The following ENTREP2 variants were observed in gnomAD, a reference collection of about 807,000 sequenced individuals.
ENTREP2 encodes the protein protein ENTREP2.
At chr15:29,449,721 T>C in the ENTREP2 span, among the ~76,000 whole-genome samples, 1 of 152,204 alleles carries the variant, frequency 6.6e-6, no homozygotes, top group African/African-American at 2.4e-5. Context: ...AGCTTAAGAC[T>C]CAAGACTTTA....
chr15:29,283,964 G>A, the ENTREP2 span, among the ~76,000 whole-genome samples: 3 of 152,004 alleles, frequency 2.0e-5, no homozygotes, highest in Admixed American at 6.6e-5. Flanking sequence ...AATGAAAGAC[G>A]TATCCCACAG....
chr15:29,224,196 G>A, the ENTREP2 span, among the ~76,000 whole-genome samples: 1 of 152,042 alleles, frequency 6.6e-6, no homozygotes, highest in East Asian at 1.9e-4. Flanking sequence ...GAGTGTTACA[G>A]CTCTCAAATC....
chr15:29,453,160 G>T, the ENTREP2 span, among the ~76,000 whole-genome samples: 54 of 152,284 alleles, frequency 3.5e-4, no homozygotes, highest in African/African-American at 1.3e-3. Context: ...CACAGTCACC[G>T]GCCTTCACTG....
chr15:29,234,660 A>G, the ENTREP2 span: 1 of 1,564,988 alleles, frequency 6.4e-7, no homozygotes, highest in South Asian at 1.1e-5. Context: ...TCTTCACCAC[A>G]AGAGAGAAAA....
At chr15:29,252,730 G>C in the ENTREP2 span, among the ~76,000 whole-genome samples, 2 of 152,152 alleles carry the variant, frequency 1.3e-5, no homozygotes, top group Non-Finnish European at 2.9e-5. Context: ...AACCTATGAT[G>C]ATAAAATATT....
At chr15:29,320,818 G>T in the ENTREP2 span, among the ~76,000 whole-genome samples, 1 of 152,116 alleles carries the variant, frequency 6.6e-6, no homozygotes, top group South Asian at 2.1e-4. Flanking sequence ...CAACACAAAT[G>T]TCCCAAACTA....
At chr15:29,629,972 C>T in the ENTREP2 span, among the ~76,000 whole-genome samples, 5 of 152,030 alleles carry the variant, frequency 3.3e-5, no homozygotes, top group East Asian at 3.9e-4. Flanking sequence ...CAAAAATTGG[C>T]GGGGCATGGT....
At chr15:29,472,702 T>G in the ENTREP2 span, among the ~76,000 whole-genome samples, 1 of 152,168 alleles carries the variant, frequency 6.6e-6, no homozygotes, top group Admixed American at 6.6e-5. Context: ...TGACCTCATG[T>G]GATCCATCTG....
At chr15:29,665,859 T>C in the ENTREP2 span, among the ~76,000 whole-genome samples, 1 of 150,882 alleles carries the variant, frequency 6.6e-6, no homozygotes, top group Non-Finnish European at 1.5e-5. Flanking sequence ...CATCTTTTTT[T>C]TTTTTTTTTT....
the ENTREP2 span, among the ~76,000 whole-genome samples, chr15:29,270,948 G>A: frequency 6.6e-6 from 1 of 152,166 alleles, no homozygotes; most frequent in Non-Finnish European, 1.5e-5. Flanking sequence ...TCAAAGGAAA[G>A]CAATTTAGAA....
the ENTREP2 span, among the ~76,000 whole-genome samples, chr15:29,310,220 G>A: frequency 6.6e-6 from 1 of 152,218 alleles, no homozygotes; most frequent in East Asian, 1.9e-4. Flanking sequence ...TGAGCAGACA[G>A]AAGCTGAGAA....
the ENTREP2 span, among the ~76,000 whole-genome samples, chr15:29,250,934 A>G: frequency 6.6e-6 from 1 of 152,200 alleles, no homozygotes; most frequent in African/African-American, 2.4e-5. Flanking sequence ...ACAGACAATA[A>G]CAAGATGAAG....
the ENTREP2 span, among the ~76,000 whole-genome samples, chr15:29,257,319 C>T: frequency 2.0e-5 from 3 of 152,060 alleles, no homozygotes; most frequent in Admixed American, 1.3e-4. Context: ...GTGGTCCACC[C>T]GCCTCGGCCT....
chr15:29,170,403 G>A, the ENTREP2 span, among the ~76,000 whole-genome samples: 1 of 150,222 alleles, frequency 6.7e-6, no homozygotes, highest in East Asian at 1.9e-4. Context: ...ATTTACAATA[G>A]CAAAAAATGT....
the ENTREP2 span, chr15:29,122,947 C>T: frequency 5.9e-6 from 1 of 170,408 alleles, no homozygotes; most frequent in Non-Finnish European, 1.2e-5. Context: ...TGGGAGACTC[C>T]TGCTTTGGAA....
chr15:29,558,094 A>C, the ENTREP2 span, among the ~76,000 whole-genome samples: 1 of 151,862 alleles, frequency 6.6e-6, no homozygotes, highest in East Asian at 1.9e-4. Flanking sequence ...TTTCTTCAAC[A>C]CCCACCTGTG....
At chr15:29,597,275 A>T in the ENTREP2 span, among the ~76,000 whole-genome samples, 2 of 152,158 alleles carry the variant, frequency 1.3e-5, no homozygotes, top group Non-Finnish European at 2.9e-5. Flanking sequence ...TTTAAGATTC[A>T]TCCATAACTA....
At chr15:29,606,115 T>C in the ENTREP2 span, among the ~76,000 whole-genome samples, 2 of 152,140 alleles carry the variant, frequency 1.3e-5, no homozygotes, top group African/African-American at 4.8e-5. Flanking sequence ...GTGTGCTAGG[T>C]CTTTTAAGTC....
At chr15:29,163,463 G>GAA in the ENTREP2 span, among the ~76,000 whole-genome samples, 3 of 149,976 alleles carry the variant, frequency 2.0e-5, no homozygotes, top group African/African-American at 4.9e-5. Flanking sequence ...ATAGCTTAAA[G>GAA]AAAAAAAAAT....
Sources: gnomAD v4.1 joint callset for allele counts (sites outside exome capture counted in the v4.1 genomes callset) on GRCh38, gnomAD v4.1.1 for gene constraint, MANE v1.5 for transcripts, NCBI Gene and HGNC (gene_info 2026-07-23, HGNC 2026-07-21) for gene names.